Variants in DNM3 observed in about 807,000 individuals in gnomAD.
DNM3 encodes the protein dynamin 3.
Under a neutral mutation model 101.6 loss-of-function variants are expected in DNM3, and 47 were observed. The observed-to-expected ratio is 0.46, with a 90% CI of 0.37 to 0.59. The LOEUF is 0.59. Ranked by LOEUF, DNM3 falls within the 20% of genes least tolerant of loss-of-function variation. The pLI, the probability that DNM3 is intolerant of heterozygous loss-of-function variation, is 0.00. For synonymous variants in DNM3, 385 were observed against 387.9 expected (o/e 0.99, Z 0.09); for missense variants, 849 against 1,085.7 (o/e 0.78, Z 3.06).
At chr1:172,332,983 A>G (rs1242298143) in intron 17 of DNM3, among the ~76,000 whole-genome samples, 1 of 152,220 alleles carries the variant, frequency 6.6e-6, no homozygotes, top group African/African-American at 2.4e-5. Context: ...GCACCTAGGA[A>G]GAAAGTGCAG....
intron 20 of DNM3, among the ~76,000 whole-genome samples, chr1:172,406,960 A>G (rs528273053): frequency 2.0e-5 from 3 of 152,088 alleles, no homozygotes; most frequent in Non-Finnish European, 2.9e-5. Context: ...GTACACAAAT[A>G]CACTAAAAAA....
intron 14 of DNM3, among the ~76,000 whole-genome samples, chr1:172,195,096 G>T (rs1019625823): frequency 4.6e-5 from 7 of 151,906 alleles, no homozygotes; most frequent in African/African-American, 1.7e-4. Context: ...GTCTGTAAAG[G>T]ATTTTATTTC....
chr1:172,146,831 A>C (rs2057924801), intron 14 of DNM3, among the ~76,000 whole-genome samples: 1 of 152,118 alleles, frequency 6.6e-6, no homozygotes, highest in South Asian at 2.1e-4. Context: ...ATTTTTGTCA[A>C]GGCAAACAAA....
chr1:172,333,816 G>A (rs1017561960), intron 17 of DNM3, among the ~76,000 whole-genome samples: 17 of 152,140 alleles, frequency 1.1e-4, no homozygotes, highest in Middle Eastern at 6.8e-3. Context: ...GAAACAAAAG[G>A]ATATTAAAGA....
intron 1 of DNM3, among the ~76,000 whole-genome samples, chr1:171,908,334 T>G (rs1163419497): frequency 6.6e-6 from 1 of 152,214 alleles, no homozygotes; most frequent in Non-Finnish European, 1.5e-5. Flanking sequence ...ATGTAGCTAT[T>G]ACTGCATTTT....
chr1:172,107,544 G>T (rs1392809128), intron 13 of DNM3, among the ~76,000 whole-genome samples: 3 of 152,142 alleles, frequency 2.0e-5, no homozygotes, highest in Non-Finnish European at 2.9e-5. Context: ...CCATTTAAGG[G>T]TTTAGCAAAA....
intron 2 of DNM3, among the ~76,000 whole-genome samples, chr1:171,936,212 G>A (rs138937186): frequency 3.3e-5 from 5 of 151,910 alleles, no homozygotes; most frequent in Non-Finnish European, 7.4e-5. Flanking sequence ...CGAAACAGCC[G>A]GGCATAGTGG....
At chr1:171,956,830 T>C (rs2042889411) in intron 2 of DNM3, among the ~76,000 whole-genome samples, 1 of 152,156 alleles carries the variant, frequency 6.6e-6, no homozygotes, top group South Asian at 2.1e-4. Flanking sequence ...ATTCTTGACT[T>C]CTGTGCCCCC....
intron 2 of DNM3, among the ~76,000 whole-genome samples, chr1:171,926,859 T>G (rs758976500): frequency 1.1e-4 from 16 of 152,198 alleles, no homozygotes; most frequent in Non-Finnish European, 1.6e-4. Flanking sequence ...CATGCATTCA[T>G]GATAAAACTC....
chr1:171,958,153 A>G (rs1571831411), intron 2 of DNM3, among the ~76,000 whole-genome samples: 1 of 152,320 alleles, frequency 6.6e-6, no homozygotes, highest in East Asian at 1.9e-4. Flanking sequence ...CAGCATGTTC[A>G]GGGAAACTCC....
chr1:172,233,764 A>G (rs2061428935), intron 14 of DNM3, among the ~76,000 whole-genome samples: 1 of 152,194 alleles, frequency 6.6e-6, no homozygotes, highest in South Asian at 2.1e-4. Flanking sequence ...GTAATCCAGC[A>G]TATAAACAGA....
chr1:172,037,983 G>A (rs1288496501), intron 6 of DNM3, among the ~76,000 whole-genome samples: 1 of 152,276 alleles, frequency 6.6e-6, no homozygotes, highest in East Asian at 1.9e-4. Context: ...CTACAAGGTA[G>A]GAGACCTGGT....
intron 2 of DNM3, among the ~76,000 whole-genome samples, chr1:171,939,828 T>G (rs1162601072): frequency 6.6e-6 from 1 of 152,182 alleles, no homozygotes; most frequent in Non-Finnish European, 1.5e-5. Context: ...TTGCTTCCCC[T>G]TGGGCCTCTA....
rs537223885 is a variant in DNM3 at position 172,409,595 on chromosome 1, GA to G, written c.*1761del. 3.7e-3 allele frequency: 3,629 copies of G among 985,290 alleles called. 12 individuals carry two copies. The highest frequency in any genetic ancestry group is 0.021 in the Middle Eastern group (41 of 1,914). The allele number at this position is 985,290 out of a possible 1,614,324, so 61.0% of individuals were successfully genotyped here. A position where few individuals can be genotyped will look rare whatever the true frequency, so the allele number is the denominator to read the frequency against. On this transcript the variant is annotated 3_prime_UTR_variant, in exon 21 of 21. Transcript: ENST00000627582. The stretch of plus-strand genomic sequence containing the variant: ...TCTCACCCCAAACCCCAAACTGGGG[GA>G]AAAAAAGTTAACTCTTTGTGAATGG...
In DNM3 at chr1:171,988,989, C is replaced by T; in HGVS notation, c.430C>T (p.Pro144Ser). Residue 144 changes from proline (P) to serine (S), a missense_variant, in exon 4 of 21, where the codon CCT (proline) becomes TCT (serine). Pro to Ser is a moderately conservative substitution (Grantham distance 74). Transcript: ENST00000627582. Reference protein sequence around the residue: ...LIDLPGITKVPVGDQPPDIEY... With the variant: ...LIDLPGITKVSVGDQPPDIEY... ...TGATCTACCTGGAATAACTAAAGTG[C>T]CTGTGGGAGATCAGCCACCAGATAT... The T allele has an allele frequency of 6.2e-7, 1 of 1,605,270 alleles. No individual in the cohort carries two copies. The highest frequency in any genetic ancestry group is 8.5e-7 in the Non-Finnish European group (1 of 1,175,460).
intron 17 of DNM3, among the ~76,000 whole-genome samples, chr1:172,363,896 G>A (rs1027235562): frequency 6.6e-6 from 1 of 151,770 alleles, no homozygotes; most frequent in Non-Finnish European, 1.5e-5. Flanking sequence ...GCCTTCTAAA[G>A]GTCTGCATGC....
chr1:171,861,997 C>G (rs1316464426), intron 1 of DNM3, among the ~76,000 whole-genome samples: 1 of 152,046 alleles, frequency 6.6e-6, no homozygotes, highest in Admixed American at 6.6e-5. Flanking sequence ...CATCAGTAGT[C>G]AGTAGAGAAG....
At chr1:172,331,340 A>G (rs1391160069) in intron 17 of DNM3, among the ~76,000 whole-genome samples, 2 of 152,206 alleles carry the variant, frequency 1.3e-5, no homozygotes, top group Admixed American at 6.5e-5. Context: ...TTTAAAGATA[A>G]CATATAATAT....
At chr1:171,949,623 C>T (rs2042381146) in intron 2 of DNM3, among the ~76,000 whole-genome samples, 2 of 151,670 alleles carry the variant, frequency 1.3e-5, no homozygotes, top group South Asian at 4.2e-4. Flanking sequence ...GCCATGTTGC[C>T]AGGGTTGGTC....
Sources: allele counts gnomAD v4.1 joint callset (sites outside exome capture counted in the v4.1 genomes callset), GRCh38; gene constraint gnomAD v4.1.1; transcripts MANE v1.5; gene names NCBI Gene and HGNC (gene_info 2026-07-23, HGNC 2026-07-21).